Variants in KCTD8 observed in about 807,000 individuals in gnomAD.
The protein encoded by KCTD8 is BTB/POZ domain-containing protein KCTD8.
KCTD8 carries 27 observed loss-of-function variants against 31.5 expected under a neutral mutation model. The ratio of observed to expected loss-of-function variants is 0.86; its 90% CI spans 0.63 to 1.18. KCTD8 has a LOEUF of 1.18. Ranked by LOEUF, KCTD8 falls within the 50% of genes most tolerant of loss-of-function variation. The pLI is 0.00. For missense variants in KCTD8, 658 were observed against 647.7 expected (o/e 1.02, Z -0.17); for synonymous variants, 290 against 280.0 (o/e 1.04, Z -0.36).
At chr4:44,414,193 A>C (rs1035185272) in intron 1 of KCTD8, among the ~76,000 whole-genome samples, 4 of 148,118 alleles carry the variant, frequency 2.7e-5, no homozygotes. Flanking sequence ...ATCTTCACAG[A>C]GTCCTGAAAA....
At chr4:44,194,351 AG>A (rs1713865761) in intron 1 of KCTD8, among the ~76,000 whole-genome samples, 1 of 152,240 alleles carries the variant, frequency 6.6e-6, no homozygotes, top group Non-Finnish European at 1.5e-5. Flanking sequence ...ACAGATTAAA[AG>A]TAAAAGATCA....
At chr4:44,408,166 T>C (rs1720849181) in intron 1 of KCTD8, among the ~76,000 whole-genome samples, 1 of 152,126 alleles carries the variant, frequency 6.6e-6, no homozygotes, top group Non-Finnish European at 1.5e-5. Context: ...TTACCTGCAA[T>C]ACAGGAGAAA....
chr4:44,285,013 C>A (rs974153138), intron 1 of KCTD8, among the ~76,000 whole-genome samples: 1 of 152,168 alleles, frequency 6.6e-6, no homozygotes, highest in Admixed American at 6.5e-5. Flanking sequence ...AAAGCTTTTA[C>A]ACTGTTGGTG....
chr4:44,355,518 T>A (rs1004885322), intron 1 of KCTD8, among the ~76,000 whole-genome samples: 3 of 152,196 alleles, frequency 2.0e-5, no homozygotes, highest in Non-Finnish European at 4.4e-5. Flanking sequence ...CAATGTAGTT[T>A]TATGCATAAT....
In KCTD8 at chr4:44,210,989, T is replaced by A. The variant is rs566340962; in HGVS notation, c.962-35739A>T. 5.4e-4 allele frequency among the ~76,000 whole-genome samples: 82 copies of A among 152,314 alleles called. 1 individual carries two copies. The Middle Eastern group carries it at 0.014, about 25-fold the overall frequency. On this transcript the variant is annotated intron_variant, in intron 1 of 1. Coordinates refer to ENST00000360029, the MANE Select transcript of KCTD8 (RefSeq NM_198353.3). ...TCCTCTAGAGGCAGCAATGTGTTTT[T>A]CATGACTTTGCCTGATACTTGTAAC...
intron 1 of KCTD8, among the ~76,000 whole-genome samples, chr4:44,387,354 A>G (rs1720250979): frequency 6.6e-6 from 1 of 151,840 alleles, no homozygotes; most frequent in Non-Finnish European, 1.5e-5. Flanking sequence ...CCATTCTTAC[A>G]GAACTAGAAA....
chr4:44,346,185 C>T (rs540953080), intron 1 of KCTD8, among the ~76,000 whole-genome samples: 1 of 152,226 alleles, frequency 6.6e-6, no homozygotes, highest in South Asian at 2.1e-4. Flanking sequence ...CAAATGATCA[C>T]ATGTACATTT....
intron 1 of KCTD8, among the ~76,000 whole-genome samples, chr4:44,381,552 A>G (rs1216068128): frequency 6.6e-6 from 1 of 152,116 alleles, no homozygotes; most frequent in Non-Finnish European, 1.5e-5. Context: ...TAAGTCAAAA[A>G]GTATAAAAAG....
chr4:44,432,524 C>T (rs557421009), intron 1 of KCTD8, among the ~76,000 whole-genome samples: 55 of 151,764 alleles, frequency 3.6e-4, no homozygotes, highest in Middle Eastern at 3.4e-3. Context: ...TCAATTTTTA[C>T]CAGCATCCCA....
chr4:44,209,333 G>T lies in KCTD8; in HGVS notation c.962-34083C>A, dbSNP rs376227850. On this transcript the variant is annotated intron_variant, in intron 1 of 1. Coordinates refer to ENST00000360029, the MANE Select transcript of KCTD8 (RefSeq NM_198353.3). ...CCTAGGACATATCAAGTTCAAATAT[G>T]ATTTTCATCTCTTTTATTTCACCCT... 2.0e-5 allele frequency among the ~76,000 whole-genome samples: 3 copies of T among 152,070 alleles called. No individual in the cohort carries two copies. The South Asian group carries it at 6.2e-4, about 32-fold the overall frequency.
At chr4:44,433,187 C>T (rs1376339922) in intron 1 of KCTD8, among the ~76,000 whole-genome samples, 1 of 146,582 alleles carries the variant, frequency 6.8e-6, no homozygotes, top group African/African-American at 2.7e-5. Context: ...ACTCACTCAT[C>T]CAGTATATCC....
chr4:44,312,630 C>A (rs1196627603), intron 1 of KCTD8, among the ~76,000 whole-genome samples: 1 of 152,134 alleles, frequency 6.6e-6, no homozygotes, highest in Non-Finnish European at 1.5e-5. Flanking sequence ...TACATATCCC[C>A]CATCTCTGCC....
At chr4:44,275,930 C>A (rs569533435) in intron 1 of KCTD8, among the ~76,000 whole-genome samples, 1 of 151,986 alleles carries the variant, frequency 6.6e-6, no homozygotes, top group Non-Finnish European at 1.5e-5. Context: ...AACAAATTTG[C>A]ATCAGTGTAG....
intron 1 of KCTD8, among the ~76,000 whole-genome samples, chr4:44,392,228 C>A (rs546332338): frequency 6.6e-6 from 1 of 152,038 alleles, no homozygotes; most frequent in East Asian, 1.9e-4. Context: ...TTAAGTTGAT[C>A]CCTAAGAAAG....
At chr4:44,256,598 GATTAA>G (rs1429317581) in intron 1 of KCTD8, among the ~76,000 whole-genome samples, 2 of 151,868 alleles carry the variant, frequency 1.3e-5, no homozygotes, top group African/African-American at 4.8e-5. Flanking sequence ...TTGTTGGTGT[GATTAA>G]ATTAAGGGTC....
Position 44,447,918 on chromosome 4 carries a change from C to T in KCTD8, c.606G>A (p.Gln202=). The change falls in exon 1 of 2, where the codon CAG becomes CAA. Residue 202 remains glutamine, a synonymous_variant. Transcript: ENST00000360029. Reference sequence around the variant, plus strand: ...GCGTGAGGAAGCCCGAGCGCTTGTCCTGCGCGCCGCCGCCGCCGCCACCAC... The same window carrying T: ...GCGTGAGGAAGCCCGAGCGCTTGTCTTGCGCGCCGCCGCCGCCGCCACCAC... ...AHGGGGGGGA[Q]DKRSGFLTLG... 1 of 1,444,022 alleles carries T rather than the reference C, an allele frequency of 6.9e-7. No homozygotes were observed. The highest frequency in any genetic ancestry group is 9.1e-7 in the Non-Finnish European group (1 of 1,097,582). The allele number at this position is 1,444,022 out of a possible 1,614,324, so 89.5% of individuals were successfully genotyped here.
chr4:44,276,826 T>C (rs1359902326), intron 1 of KCTD8, among the ~76,000 whole-genome samples: 2 of 151,980 alleles, frequency 1.3e-5, no homozygotes, highest in Non-Finnish European at 2.9e-5. Context: ...GCAAGTATCA[T>C]TATTATTTCA....
At chr4:44,321,197 T>C (rs541193378) in intron 1 of KCTD8, among the ~76,000 whole-genome samples, 1 of 152,340 alleles carries the variant, frequency 6.6e-6, no homozygotes, top group Non-Finnish European at 1.5e-5. Flanking sequence ...CTTCCTCGTG[T>C]CTTAAACCCT....
At chr4:44,377,038 G>GT (rs1427004441) in intron 1 of KCTD8, among the ~76,000 whole-genome samples, 1 of 152,160 alleles carries the variant, frequency 6.6e-6, no homozygotes, top group African/African-American at 2.4e-5. Context: ...CACACCACAT[G>GT]TTTAAGTATT....
Sources: gnomAD v4.1 joint callset for allele counts (sites outside exome capture counted in the v4.1 genomes callset) on GRCh38, gnomAD v4.1.1 for gene constraint, MANE v1.5 for transcripts, NCBI Gene and HGNC (gene_info 2026-07-23, HGNC 2026-07-21) for gene names.